The following CCNJL variants were observed in gnomAD, a reference collection of about 807,000 sequenced individuals.
CCNJL encodes the protein cyclin-J-like protein.
CCNJL carries 33 observed loss-of-function variants against 33.4 expected under a neutral mutation model. The ratio of observed to expected loss-of-function variants is 0.99; its 90% CI spans 0.75 to 1.32. CCNJL has a LOEUF of 1.32. Ranked by LOEUF, CCNJL falls within the 40% of genes most tolerant of loss-of-function variation. The pLI, the probability that CCNJL is intolerant of heterozygous loss-of-function variation, is 0.00. For synonymous variants in CCNJL, 227 were observed against 220.9 expected, an observed-to-expected ratio of 1.03 and a Z score of -0.24; for missense variants, 512 against 499.7, an observed-to-expected ratio of 1.02 and a Z score of -0.23.
intron 1 of CCNJL, chr5:160,327,052 T>A: frequency 2.6e-6 from 1 of 390,304 alleles, no homozygotes; most frequent in Non-Finnish European, 4.9e-6. Context: ...TGAACATTTA[T>A]TCGTATTGTT....
intron 1 of CCNJL, 76 bp downstream of exon 1, chr5:160,312,288 C>T: frequency 3.1e-6 from 1 of 325,558 alleles, no homozygotes; most frequent in Non-Finnish European, 5.7e-6. Context: ...ACAGGCTCGC[C>T]GTCCCCAACT....
At chr5:160,275,909 C>T (rs1262992233) in intron 3 of CCNJL, among the ~76,000 whole-genome samples, 1 of 152,164 alleles carries the variant, frequency 6.6e-6, no homozygotes, top group Admixed American at 6.5e-5. Flanking sequence ...AAAATTACCA[C>T]ATGACCCATA....
intron 4 of CCNJL, chr5:160,258,524 T>A: frequency 1.3e-6 from 2 of 1,508,614 alleles, no homozygotes; most frequent in Non-Finnish European, 1.8e-6. Context: ...AATTTCTACC[T>A]TGAACCGTAT....
chr5:160,333,197 A>C (rs1208575626), intron 1 of CCNJL, among the ~76,000 whole-genome samples: 1 of 150,190 alleles, frequency 6.7e-6, no homozygotes, highest in Non-Finnish European at 1.5e-5. Context: ...CTCTCGGCTC[A>C]TTGCAAGCTC....
chr5:160,273,573 GGTA>G (rs1761909859), intron 3 of CCNJL, among the ~76,000 whole-genome samples: 4 of 151,844 alleles, frequency 2.6e-5, no homozygotes, highest in Non-Finnish European at 4.4e-5. Context: ...TTGGAATATG[GGTA>G]TGGGTCAATC....
At chr5:160,269,472 C>T (rs1396701838) in intron 3 of CCNJL, 1 of 456,522 alleles carries the variant, frequency 2.2e-6, no homozygotes, top group South Asian at 1.5e-5. Flanking sequence ...CCAGGGGCTG[C>T]CTCTGGCCCA....
intron 1 of CCNJL, among the ~76,000 whole-genome samples, chr5:160,319,717 G>C (rs1474502567): frequency 6.6e-6 from 1 of 152,196 alleles, no homozygotes; most frequent in Non-Finnish European, 1.5e-5. Context: ...GATCACCTGA[G>C]TCCAGTAGCT....
intron 1 of CCNJL, 80 bp from the exon 2 acceptor site, chr5:160,312,052 T>G: frequency 1.1e-6 from 1 of 908,464 alleles, no homozygotes; most frequent in Non-Finnish European, 1.7e-6. Flanking sequence ...CTCTCGCCCC[T>G]GGCCCCGGGC....
Position 160,337,195 on chromosome 5 carries a change from GT to G in CCNJL, n.206+2249del, listed in dbSNP as rs1763694647. On this transcript the variant is annotated intron_variant and non_coding_transcript_variant, in intron 1 of 7. Coordinates refer to the CCNJL transcript ENST00000377503. ...ATTTTTGATTTTTTTTTTTTTTAGG[GT>G]GTAGAGACAGGTTTTCACCATGTTG... Among the ~76,000 whole-genome samples the G allele has an allele frequency of 8.0e-5, 12 of 150,020 alleles. No homozygotes were observed. The South Asian group carries it at 2.3e-3, about 29-fold the overall frequency.
At chr5:160,338,214 T>C (rs969215599) in intron 1 of CCNJL, among the ~76,000 whole-genome samples, 1 of 147,644 alleles carries the variant, frequency 6.8e-6, no homozygotes, top group East Asian at 2.0e-4. Context: ...CTGGGTAACA[T>C]GGTGAAACCC....
intron 2 of CCNJL, among the ~76,000 whole-genome samples, chr5:160,291,068 A>G (rs10039930): frequency 0.058 from 8,606 of 147,934 alleles, 952 homozygotes; most frequent in African/African-American, 0.21. Context: ...AAAAGAAAGA[A>G]AGAGAGAGAG....
intron 2 of CCNJL, among the ~76,000 whole-genome samples, chr5:160,295,724 A>G (rs1463562432): frequency 6.6e-6 from 1 of 152,146 alleles, no homozygotes; most frequent in Non-Finnish European, 1.5e-5. Context: ...CACGGATAAA[A>G]TGCCAGCTGC....
rs574745469 is a variant in CCNJL, at chr5:160,282,016, G to A, written c.67-1278C>T. 9.2e-5 allele frequency among the ~76,000 whole-genome samples: 14 copies of A among 152,276 alleles called. No homozygotes were observed. In the South Asian group the frequency reaches 2.9e-3, roughly 32 times the overall value. On this transcript the variant is annotated intron_variant, in intron 2 of 5. Coordinates refer to ENST00000257536, the MANE Select transcript of CCNJL (RefSeq NM_001308173.3). ...TTTTGCCAAAGAAGGAAACTAAAAA[G>A]AAGTAAAATTGAAGGAAAACAGGAA... is the stretch of plus-strand genomic sequence containing the variant.
At chr5:160,269,528 T>TG (rs1452378465) in intron 3 of CCNJL, 1 of 456,340 alleles carries the variant, frequency 2.2e-6, no homozygotes, top group Admixed American at 2.4e-5. Flanking sequence ...CTGGGGACCC[T>TG]GATCCTTTGT....
At chr5:160,287,782 G>A (rs577649485) in intron 2 of CCNJL, among the ~76,000 whole-genome samples, 6 of 152,212 alleles carry the variant, frequency 3.9e-5, no homozygotes, top group Non-Finnish European at 7.3e-5. Context: ...TCAGGCAGGC[G>A]CTGGGCGGGC....
intron 3 of CCNJL, among the ~76,000 whole-genome samples, chr5:160,263,437 G>A (rs972789215): frequency 5.9e-5 from 9 of 152,124 alleles, no homozygotes; most frequent in South Asian, 2.1e-4. Flanking sequence ...GTCTATTACC[G>A]CTGAAGTCCC....
At chr5:160,320,964 CTG>C (rs1268716438) in intron 1 of CCNJL, among the ~76,000 whole-genome samples, 1 of 139,586 alleles carries the variant, frequency 7.2e-6, no homozygotes, top group African/African-American at 2.8e-5. Flanking sequence ...TCTCTCCTCT[CTG>C]TCTCTCCCTC....
rs11461365 is a variant in CCNJL, at chr5:160,326,486, CAAAAA to C, written n.207-10986_207-10982del. ...GGGCGACAGAGCTAGACTCTGTCTC[CAAAAA>C]AAAAAAAAAAAAAAAAAAGCCATTA... On this transcript the variant is annotated intron_variant and non_coding_transcript_variant, in intron 1 of 7. Transcript: ENST00000377503. Among the ~76,000 whole-genome samples the C allele has an allele frequency of 1.0e-4, 6 of 57,644 alleles. No individual in the cohort carries two copies. The East Asian group carries it at 2.2e-3, about 21-fold the overall frequency. 37.8% of individuals were successfully genotyped at this position (57,644 alleles called of 152,430 possible).
At chr5:160,322,626 G>A (rs1191503383) in intron 1 of CCNJL, among the ~76,000 whole-genome samples, 1 of 152,076 alleles carries the variant, frequency 6.6e-6, no homozygotes, top group African/African-American at 2.4e-5. Context: ...AATGTCCCTC[G>A]GCTGGGCGCG....
Sources: allele counts gnomAD v4.1 joint callset (sites outside exome capture counted in the v4.1 genomes callset), GRCh38; gene constraint gnomAD v4.1.1; transcripts MANE v1.5; gene names NCBI Gene and HGNC (gene_info 2026-07-23, HGNC 2026-07-21).